The following STK38L variants were observed in gnomAD, a reference collection of about 807,000 sequenced individuals.
STK38L encodes the protein serine/threonine-protein kinase 38-like.
Under a neutral mutation model 59.7 loss-of-function variants are expected in STK38L, and 28 were observed. The ratio of observed to expected loss-of-function variants is 0.47; its 90% CI spans 0.35 to 0.64. The LOEUF (loss-of-function observed/expected upper bound fraction) is 0.64. Ranked by LOEUF, STK38L falls within the 30% of genes least tolerant of loss-of-function variation. The probability of loss-of-function intolerance (pLI) is 0.01; values close to 1 mark genes in which losing one functional copy is unlikely to be tolerated. For missense variants in STK38L, 314 were observed against 555.8 expected, an observed-to-expected ratio of 0.56 and a Z score of 4.37; for synonymous variants, 162 against 176.8, an observed-to-expected ratio of 0.92 and a Z score of 0.66.
chr12:27,274,433 A>G (rs1943489906), intron 1 of STK38L, among the ~76,000 whole-genome samples: 1 of 152,204 alleles, frequency 6.6e-6, no homozygotes, highest in African/African-American at 2.4e-5. Context: ...CTGGGGGGAA[A>G]GATTACAGAA....
In STK38L at chr12:27,317,327, C is replaced by CCTA; in HGVS notation, c.838-7_838-6insACT. On this transcript the variant is annotated splice_polypyrimidine_tract_variant and intron_variant, in intron 9 of 13. Transcript: ENST00000389032. ...AAGAATGCTGGTTTGACGAGTTGCT[C>CCTA]CTTTGTAGGCATATTCCACAGTTGG... 1 of 1,589,488 alleles carries CCTA rather than the reference C, an allele frequency of 6.3e-7. No individual in the cohort carries two copies.
At chr12:27,271,127 A>G (rs913354199) in intron 1 of STK38L, among the ~76,000 whole-genome samples, 1 of 152,220 alleles carries the variant, frequency 6.6e-6, no homozygotes, top group Admixed American at 6.5e-5. Context: ...TGAGAAAACC[A>G]AGGCGCAGGC....
chr12:27,321,466 T>G (rs1042247529), intron 12 of STK38L, among the ~76,000 whole-genome samples: 1 of 152,216 alleles, frequency 6.6e-6, no homozygotes, highest in African/African-American at 2.4e-5. Context: ...AAATGACTTT[T>G]AATTTATGGA....
At chr12:27,294,504 CAAAAA>C (rs63041360) in intron 1 of STK38L, among the ~76,000 whole-genome samples, 3 of 101,404 alleles carry the variant, frequency 3.0e-5, no homozygotes, top group Non-Finnish European at 2.1e-5. Flanking sequence ...GAAATTCTGT[CAAAAA>C]AAAAAAAAAA....
chr12:27,296,465 G>C (rs1456947022), intron 1 of STK38L, among the ~76,000 whole-genome samples: 2 of 152,230 alleles, frequency 1.3e-5, no homozygotes, highest in Admixed American at 6.5e-5. Context: ...ATAATTGTTT[G>C]CTTTCAACCT....
chr12:27,287,134 C>T (rs1317268326), intron 1 of STK38L, among the ~76,000 whole-genome samples: 1 of 145,418 alleles, frequency 6.9e-6, no homozygotes, highest in Non-Finnish European at 1.5e-5. Flanking sequence ...GAGTTTCACT[C>T]TGTCGCCCAG....
Position 27,312,685 on chromosome 12 carries a change from A to G in STK38L, c.517+13A>G, listed in dbSNP as rs2136648280. ...TTTCTCCCTGGAGGTAAAAGCAAAC[A>G]TTGTATCAATGACAGACTGATACAA... is the stretch of plus-strand genomic sequence containing the variant. On this transcript the variant is annotated intron_variant, in intron 6 of 13. Coordinates refer to ENST00000389032, the MANE Select transcript of STK38L (RefSeq NM_015000.4). 6 of 1,613,568 alleles carry G rather than the reference A, an allele frequency of 3.7e-6. No individual in the cohort carries two copies. Among genetic ancestry groups the G allele is most frequent in the Non-Finnish European group, 5.1e-6 (6 of 1,179,808 alleles).
chr12:27,274,773 A>G lies in STK38L; in HGVS notation c.-11-22937A>G, dbSNP rs77109625. The stretch of plus-strand genomic sequence containing the variant: ...GTCTCTTTTATACTTTGAAGAAGGA[A>G]CTTGTTACCTTTATTGTACATTAAT... On this transcript the variant is annotated intron_variant, in intron 1 of 13. Coordinates refer to ENST00000389032, the MANE Select transcript of STK38L (RefSeq NM_015000.4). 4.3e-3 allele frequency among the ~76,000 whole-genome samples: 651 copies of G among 152,356 alleles called. 2 individuals carry two copies. Among genetic ancestry groups the G allele is most frequent in the Admixed American group, 6.6e-3 (101 of 15,302 alleles).
At chr12:27,251,986 A>C (rs571643277) in intron 1 of STK38L, among the ~76,000 whole-genome samples, 2 of 146,080 alleles carry the variant, frequency 1.4e-5, no homozygotes, top group Non-Finnish European at 3.0e-5. Flanking sequence ...TTACAGTAGC[A>C]CTTTTTTTTT....
At chr12:27,263,162 T>G (rs1265366379) in intron 1 of STK38L, among the ~76,000 whole-genome samples, 1 of 152,142 alleles carries the variant, frequency 6.6e-6, no homozygotes, top group African/African-American at 2.4e-5. Context: ...TAAAGGATAA[T>G]GTATATAGAA....
At chr12:27,296,758 A>G (rs201816566) in intron 1 of STK38L, among the ~76,000 whole-genome samples, 1 of 152,354 alleles carries the variant, frequency 6.6e-6, no homozygotes, top group South Asian at 2.1e-4. Flanking sequence ...ATGTGGCTGT[A>G]GTAGGCAAGT....
At chr12:27,315,195 C>G in intron 8 of STK38L, 78 bp downstream of exon 8, 1 of 1,569,060 alleles carries the variant, frequency 6.4e-7, no homozygotes, top group Non-Finnish European at 8.8e-7. Context: ...CCTTTCCCCA[C>G]TCCTTAATCC....
intron 1 of STK38L, among the ~76,000 whole-genome samples, chr12:27,266,323 G>A (rs1032079573): frequency 3.9e-5 from 6 of 152,190 alleles, no homozygotes; most frequent in Non-Finnish European, 7.4e-5. Context: ...AACTTTAGTA[G>A]AAAATTAGAT....
intron 3 of STK38L, among the ~76,000 whole-genome samples, chr12:27,305,904 A>G (rs978535301): frequency 1.1e-4 from 16 of 152,328 alleles, no homozygotes; most frequent in Middle Eastern, 6.8e-3. Context: ...AATTACCACA[A>G]GGATACTGTT....
chr12:27,254,245 C>T (rs1216251879), intron 1 of STK38L, among the ~76,000 whole-genome samples: 1 of 152,136 alleles, frequency 6.6e-6, no homozygotes. Context: ...TTAAACATTT[C>T]CCAAGACTGT....
chr12:27,282,441 C>T (rs1448377808), intron 1 of STK38L, among the ~76,000 whole-genome samples: 1 of 152,110 alleles, frequency 6.6e-6, no homozygotes, highest in Admixed American at 6.5e-5. Context: ...AGTCTTAAAT[C>T]ATGCAGCTTA....
At chr12:27,270,293 T>C (rs899105928) in intron 1 of STK38L, among the ~76,000 whole-genome samples, 2 of 152,018 alleles carry the variant, frequency 1.3e-5, no homozygotes, top group Non-Finnish European at 2.9e-5. Flanking sequence ...CTGTAACCTG[T>C]ACCTCCCAGG....
Position 27,308,324 on chromosome 12 carries a change from GTT to G in STK38L, c.187-7_187-6del. ...AATTATAAAATCATCCGTTTAAATT[GTT>G]TTTTTTTAATAGAAAAAGTTACGTC... On this transcript the variant is annotated splice_polypyrimidine_tract_variant and intron_variant, in intron 3 of 13. Coordinates refer to ENST00000389032, the MANE Select transcript of STK38L (RefSeq NM_015000.4). The surrounding 1 kb of genome is among the most constrained non-coding windows in gnomAD (Gnocchi z 4.5). 6.7e-7 allele frequency: 1 copy of G among 1,502,586 alleles called. No individual in the cohort carries two copies. The highest frequency in any genetic ancestry group is 8.9e-7 in the Non-Finnish European group (1 of 1,121,530). 93.1% of individuals were successfully genotyped at this position (1,502,586 alleles called of 1,614,324 possible).
intron 1 of STK38L, among the ~76,000 whole-genome samples, chr12:27,245,074 A>G (rs1942820305): frequency 6.6e-6 from 1 of 152,178 alleles, no homozygotes; most frequent in Non-Finnish European, 1.5e-5. Context: ...CTTTATTTTC[A>G]AAACCAGTGG....
Sources: gnomAD v4.1 joint callset for allele counts (sites outside exome capture counted in the v4.1 genomes callset) on GRCh38, gnomAD v4.1.1 for gene constraint, Gnocchi (gnomAD v3.1) non-coding constraint, MANE v1.5 for transcripts, NCBI Gene and HGNC (gene_info 2026-07-23, HGNC 2026-07-21) for gene names.